The following CREM variants were observed in gnomAD, a reference collection of about 807,000 sequenced individuals.
CREM encodes cAMP responsive element modulator, also known as cAMP-responsive element modulator.
Under a neutral mutation model 37.3 loss-of-function variants are expected in CREM, and 13 were observed. That is an observed-to-expected ratio of 0.35 (90% CI 0.23 to 0.55). The LOEUF (loss-of-function observed/expected upper bound fraction) is 0.55. CREM is among the 20% of genes least tolerant of loss of function. The pLI is 0.88. For synonymous variants in CREM, 124 were observed against 120.2 expected (o/e 1.03, Z -0.21); for missense variants, 296 against 362.3 (o/e 0.82, Z 1.49).
At chr10:35,186,398 C>T (rs1457839861) in intron 5 of CREM, among the ~76,000 whole-genome samples, 1 of 151,916 alleles carries the variant, frequency 6.6e-6, no homozygotes, top group Non-Finnish European at 1.5e-5. Context: ...TAAAGGAAAT[C>T]TACTTCCTAT....
At chr10:35,201,036 A>G (rs1346603695) in intron 6 of CREM, among the ~76,000 whole-genome samples, 1 of 151,636 alleles carries the variant, frequency 6.6e-6, no homozygotes, top group Admixed American at 6.6e-5. Context: ...TGATGAGAGT[A>G]TATCTTTGGC....
intron 3 of CREM, among the ~76,000 whole-genome samples, chr10:35,150,491 C>T (rs901886325): frequency 5.3e-5 from 8 of 152,100 alleles, no homozygotes; most frequent in African/African-American, 1.9e-4. Flanking sequence ...GACCTTCAGG[C>T]TGGGCGACAG....
At chr10:35,167,703 G>A (rs777545657) in intron 3 of CREM, 18 of 1,611,940 alleles carry the variant, frequency 1.1e-5, no homozygotes, top group Non-Finnish European at 1.4e-5. Flanking sequence ...ATTAAGTACT[G>A]TTTATAGTGG....
At chr10:35,135,739 A>G (rs1269149819) in intron 1 of CREM, among the ~76,000 whole-genome samples, 3 of 114,710 alleles carry the variant, frequency 2.6e-5, no homozygotes, top group African/African-American at 2.8e-5. Context: ...AAAAAAAAAA[A>G]AAAAGAGAGA....
At chr10:35,183,249 G>C (rs1459017286) in intron 5 of CREM, among the ~76,000 whole-genome samples, 1 of 152,004 alleles carries the variant, frequency 6.6e-6, no homozygotes, top group African/African-American at 2.4e-5. Context: ...AATCTAAACT[G>C]CACCATTATG....
rs1040183217 is a variant in CREM at position 35,201,378 on chromosome 10, T to A, written c.599-5517T>A. ...AGTGCCTGCCATGTGCCAGGCACTGTGCTAGACACTTTGACATACATTGTA... is the reference window on the plus strand; with the variant it reads ...AGTGCCTGCCATGTGCCAGGCACTGAGCTAGACACTTTGACATACATTGTA... On this transcript the variant is annotated intron_variant, in intron 6 of 7. Coordinates refer to ENST00000685392, the MANE Select transcript of CREM (RefSeq NM_183011.2). 3.3e-6 allele frequency: 5 copies of A among 1,519,128 alleles called. No individual in the cohort carries two copies. In the African/African-American group the frequency reaches 6.9e-5, roughly 21 times the overall value. 94.1% of individuals were successfully genotyped at this position (1,519,128 alleles called of 1,614,324 possible).
Position 35,211,789 on chromosome 10 carries a change from A to G in CREM, c.*391A>G. On this transcript the variant is annotated 3_prime_UTR_variant, in exon 8 of 8. Transcript: ENST00000685392. ...AACCTTGAAAGACATTTGTTCTCCC[A>G]AAACAGATTACTAGAAATATTTAAC... The G allele has an allele frequency of 6.2e-7, 1 of 1,606,980 alleles. No homozygotes were observed. Among genetic ancestry groups the G allele is most frequent in the Non-Finnish European group, 8.5e-7 (1 of 1,178,062 alleles).
At position 35,188,207 on chromosome 10, in the gene CREM, A is replaced by G. The variant is rs1459184651; in HGVS notation, c.417A>G (p.Ile139Met). The G allele has an allele frequency of 1.2e-6, 2 of 1,602,756 alleles. No individual in the cohort carries two copies. Among genetic ancestry groups the G allele is most frequent in the South Asian group, 1.1e-5 (1 of 88,334 alleles). Reference sequence around the variant, plus strand: ...TTTTCTTTTTCTGTTAAGTTGCTATAGCCCAAGGTGGAACAATCCAGATTT... The same window carrying G: ...TTTTCTTTTTCTGTTAAGTTGCTATGGCCCAAGGTGGAACAATCCAGATTT... ...YQTSTGQYIA[I>M]AQGGTIQISN... The change falls in exon 6 of 8, where the codon ATA becomes ATG. Residue 139 changes from isoleucine to methionine, a missense_variant. Physicochemically the swap from Ile to Met is conservative, Grantham distance 10 (BLOSUM62 1). Coordinates refer to ENST00000685392, the MANE Select transcript of CREM (RefSeq NM_183011.2).
intron 1 of CREM, among the ~76,000 whole-genome samples, chr10:35,137,396 G>A (rs34776628): frequency 0.34 from 51,443 of 151,994 alleles, 8,755 homozygotes; most frequent in South Asian, 0.35. Context: ...ATTTTATTAA[G>A]TGATCATTAA....
In CREM at chr10:35,165,074, A is replaced by AAT. The variant is rs1554902038; in HGVS notation, c.169-13814_169-13813insTA. Among the ~76,000 whole-genome samples the AAT allele has an allele frequency of 7.3e-3, 1,037 of 141,994 alleles. 23 individuals carry two copies. The highest frequency in any genetic ancestry group is 0.022 in the African/African-American group (850 of 38,852). 93.2% of individuals were successfully genotyped at this position (141,994 alleles called of 152,430 possible). A position where few individuals can be genotyped will look rare whatever the true frequency, so the allele number is the denominator to read the frequency against. The stretch of plus-strand genomic sequence containing the variant: ...TCCATCTCAAAAAAAAAAAAAAAAA[A>AAT]AAAAGAAAAGGAAAAAGAAATACTT... On this transcript the variant is annotated intron_variant, in intron 3 of 7. Coordinates refer to ENST00000685392, the MANE Select transcript of CREM (RefSeq NM_183011.2).
chr10:35,168,018 A>T (rs1049958936), intron 3 of CREM, among the ~76,000 whole-genome samples: 22 of 152,300 alleles, frequency 1.4e-4, no homozygotes, highest in African/African-American at 5.3e-4. Flanking sequence ...CATGGTGTAT[A>T]TGTGCCACAT....
intron 2 of CREM, 79 bp from the exon 3 acceptor site, chr10:35,148,289 G>A: frequency 7.2e-7 from 1 of 1,392,948 alleles, no homozygotes; most frequent in Non-Finnish European, 9.6e-7. Flanking sequence ...TTGGATTTTT[G>A]GATTAGGGAT....
At position 35,141,747 on chromosome 10, in the gene CREM, T is replaced by C. The variant is rs188402506; in HGVS notation, c.44+3868T>C. On this transcript the variant is annotated intron_variant, in intron 2 of 7. Coordinates refer to ENST00000685392, the MANE Select transcript of CREM (RefSeq NM_183011.2). Reference sequence around the variant, plus strand: ...CTTGAATCCAGAGAAACAGACCATATGAAGTAGGGAGAGATTTGAGAGTGA... The same window carrying C: ...CTTGAATCCAGAGAAACAGACCATACGAAGTAGGGAGAGATTTGAGAGTGA... 1.2e-3 allele frequency among the ~76,000 whole-genome samples: 182 copies of C among 152,156 alleles called. 1 individual carries two copies. The highest frequency in any genetic ancestry group is 4.3e-3 in the African/African-American group (180 of 41,502).
chr10:35,156,025 C>T (rs1055410350), intron 3 of CREM, among the ~76,000 whole-genome samples: 9 of 150,930 alleles, frequency 6.0e-5, no homozygotes, highest in African/African-American at 1.9e-4. Flanking sequence ...CTGCAACGTC[C>T]ACCTCCCGGG....
intron 3 of CREM, chr10:35,175,598 A>G: frequency 6.9e-7 from 1 of 1,452,972 alleles, no homozygotes. Context: ...TGCTTGGAAC[A>G]TTCTTAGCCA....
intron 5 of CREM, among the ~76,000 whole-genome samples, chr10:35,186,802 T>C (rs2094576067): frequency 8.0e-6 from 1 of 125,560 alleles, no homozygotes. Context: ...AATTATGTTA[T>C]ATATAATTGT....
At chr10:35,198,618 T>A (rs2095288480) in intron 6 of CREM, among the ~76,000 whole-genome samples, 1 of 152,210 alleles carries the variant, frequency 6.6e-6, no homozygotes, top group South Asian at 2.1e-4. Context: ...TGCCTTTGTT[T>A]TATTCATAAA....
At chr10:35,165,364 C>T (rs2093498336) in intron 3 of CREM, among the ~76,000 whole-genome samples, 1 of 152,134 alleles carries the variant, frequency 6.6e-6, no homozygotes, top group South Asian at 2.1e-4. Context: ...ATGACCCAAA[C>T]ACCTCCCACA....
intron 6 of CREM, among the ~76,000 whole-genome samples, chr10:35,193,949 A>G (rs2095031161): frequency 6.6e-6 from 1 of 151,670 alleles, no homozygotes; most frequent in African/African-American, 2.4e-5. Flanking sequence ...AAAATACAAA[A>G]ATTAGCCAGG....
Sources: gnomAD v4.1 joint callset for allele counts (sites outside exome capture counted in the v4.1 genomes callset) on GRCh38, gnomAD v4.1.1 for gene constraint, MANE v1.5 for transcripts, NCBI Gene and HGNC (gene_info 2026-07-23, HGNC 2026-07-21) for gene names.